The following FLNB variants were observed in gnomAD, a reference collection of about 807,000 sequenced individuals.
The protein encoded by FLNB is filamin-B.
FLNB carries 111 observed loss-of-function variants against 250.6 expected under a neutral mutation model. The ratio of observed to expected loss-of-function variants is 0.44; its 90% CI spans 0.38 to 0.52. FLNB has a LOEUF of 0.52. FLNB is among the 20% of genes least tolerant of loss of function. The pLI is 0.00. For synonymous variants in FLNB, 1,302 were observed against 1,372.1 expected (o/e 0.95, Z 1.13); for missense variants, 2,869 against 3,447.8 (o/e 0.83, Z 4.20).
rs77604401 is a variant in FLNB at position 58,021,490 on chromosome 3, T to G, written c.292+12634T>G. ...GGCAGAACCCAGAATGTGTTCTGAG[T>G]GAGGCGCCTTGGCAGAGTTGGCTTG... On this transcript the variant is annotated intron_variant, in intron 1 of 45. Transcript: ENST00000295956. 8.0e-4 allele frequency among the ~76,000 whole-genome samples: 121 copies of G among 152,194 alleles called. No homozygotes were observed. The East Asian group carries it at 0.018, about 22-fold the overall frequency.
At chr3:58,159,246 C>T (rs1211705848) in intron 41 of FLNB, among the ~76,000 whole-genome samples, 1 of 152,124 alleles carries the variant, frequency 6.6e-6, no homozygotes. Flanking sequence ...GGTTTTCTGG[C>T]CTGCATGGGC....
intron 1 of FLNB, among the ~76,000 whole-genome samples, chr3:58,028,718 A>T (rs531491887): frequency 1.3e-5 from 2 of 150,136 alleles, no homozygotes; most frequent in African/African-American, 2.5e-5. Flanking sequence ...GGTTCAAGCA[A>T]TTCTCCTGCC....
In FLNB at chr3:58,115,102, C is replaced by T. The variant is rs181132058; in HGVS notation, c.2745+2784C>T. Among the ~76,000 whole-genome samples the T allele has an allele frequency of 6.8e-4, 103 of 152,284 alleles. 2 individuals carry two copies. The highest frequency in any genetic ancestry group is 7.4e-5 in the Non-Finnish European group (5 of 68,020). The stretch of plus-strand genomic sequence containing the variant: ...TTAAAATAAAAAATCCAAAACAAAA[C>T]ATTCATTATTAGTAATGATAAAACT... On this transcript the variant is annotated intron_variant, in intron 18 of 45. Coordinates refer to ENST00000295956, the MANE Select transcript of FLNB (RefSeq NM_001457.4).
At chr3:58,042,242 T>TGATGCG (rs1446710223) in intron 1 of FLNB, among the ~76,000 whole-genome samples, 1 of 152,192 alleles carries the variant, frequency 6.6e-6, no homozygotes, top group East Asian at 1.9e-4. Context: ...GCCTCCTCTT[T>TGATGCG]GATGCGGGTA....
At chr3:58,149,711 C>A in intron 36 of FLNB, 139 bp from the exon 37 acceptor site, 1 of 1,100,714 alleles carries the variant, frequency 9.1e-7, no homozygotes, top group Non-Finnish European at 1.3e-6. Flanking sequence ...CTGGGCTTTG[C>A]AAACGAGGCC....
At chr3:58,078,419 A>C in intron 2 of FLNB, 3 of 1,535,174 alleles carry the variant, frequency 2.0e-6, no homozygotes, top group Non-Finnish European at 2.6e-6. Context: ...TAAAGGCACC[A>C]GGCTTTTTCC....
intron 1 of FLNB, among the ~76,000 whole-genome samples, chr3:58,057,286 T>G (rs1377870703): frequency 6.6e-6 from 1 of 152,232 alleles, no homozygotes; most frequent in Non-Finnish European, 1.5e-5. Flanking sequence ...GGCCTGCAAC[T>G]TCTATAAATA....
intron 1 of FLNB, among the ~76,000 whole-genome samples, chr3:58,043,714 T>C (rs1331360701): frequency 1.3e-5 from 2 of 152,158 alleles, no homozygotes; most frequent in African/African-American, 4.8e-5. Context: ...GTGAGAGTGC[T>C]GAGTGCAAAA....
At chr3:58,085,019 T>C (rs2097215238) in intron 4 of FLNB, among the ~76,000 whole-genome samples, 1 of 152,258 alleles carries the variant, frequency 6.6e-6, no homozygotes, top group Non-Finnish European at 1.5e-5. Flanking sequence ...CATTCCTTTT[T>C]AAGGCTGAAT....
Position 58,106,829 on chromosome 3 carries a change from A to G in FLNB, c.1897A>G (p.Met633Val), listed in dbSNP as rs937051879. The G allele has an allele frequency of 2.4e-5, 38 of 1,613,954 alleles. No homozygotes were observed. The highest frequency in any genetic ancestry group is 1.1e-4 in the East Asian group (5 of 44,890). ...CGAAGACATCAAGGACAGCCCGTAC[A>G]TGGCCTTCATCCACCCAGCCACGGG... ...DDEDIKDSPY[M>V]AFIHPATGGY... The change falls in exon 12 of 46, where the codon ATG becomes GTG. Residue 633 changes from methionine to valine, a missense_variant. Physicochemically the swap from Met to Val is conservative, Grantham distance 21. Transcript: ENST00000295956.
At position 58,138,386 on chromosome 3, in the gene FLNB, G is replaced by A; in HGVS notation, c.4966G>A (p.Asp1656Asn). 6.2e-7 allele frequency: 1 copy of A among 1,614,242 alleles called. No individual in the cohort carries two copies. The highest frequency in any genetic ancestry group is 8.5e-7 in the Non-Finnish European group (1 of 1,180,048). ...AGTGACCTGCACGGTTCTGACCCCA[G>A]ATGGCACTGAGGCCGAGGCCGATGT... is the stretch of plus-strand genomic sequence containing the variant. ...GKVTCTVLTP[D>N]GTEAEADVIE... Residue 1656 changes from aspartate to asparagine, a missense_variant, in exon 29 of 46, where the codon GAT becomes AAT. Transcript: ENST00000295956.
chr3:58,112,385 G>A (rs139531304), intron 18 of FLNB, 67 bp downstream of exon 18: 2 of 1,500,960 alleles, frequency 1.3e-6, no homozygotes, highest in Non-Finnish European at 1.9e-6. Context: ...GTCGGTGCTG[G>A]GTCACTGTGG....
At chr3:58,139,079 A>G (rs2097321851) in intron 29 of FLNB, among the ~76,000 whole-genome samples, 1 of 152,206 alleles carries the variant, frequency 6.6e-6, no homozygotes, top group Non-Finnish European at 1.5e-5. Flanking sequence ...AAAGGAGGAA[A>G]CCATTATGCA....
intron 38 of FLNB, chr3:58,152,662 C>A: frequency 1.1e-6 from 1 of 915,830 alleles, no homozygotes; most frequent in Non-Finnish European, 1.5e-6. Context: ...CAGTTCATTA[C>A]ATGGGTGACC....
In FLNB at chr3:58,138,409, T is replaced by C. The variant is rs1411751945; in HGVS notation, c.4989T>C (p.Asp1663=). 6 of 1,614,114 alleles carry C rather than the reference T, an allele frequency of 3.7e-6. No homozygotes were observed. Among genetic ancestry groups the C allele is most frequent in the Admixed American group, 1.7e-5 (1 of 60,016 alleles). The change falls in exon 29 of 46, where the codon GAT becomes GAC. Residue 1663 remains aspartate, a synonymous_variant. Transcript: ENST00000295956. ...LTPDGTEAEA[D]VIENEDGTYD... ...CAGATGGCACTGAGGCCGAGGCCGA[T>C]GTCATTGAGAATGAAGATGGAACCT...
At chr3:58,134,843 AG>A in intron 27 of FLNB, 71 bp downstream of exon 27, 2 of 1,445,238 alleles carry the variant, frequency 1.4e-6, no homozygotes, top group Non-Finnish European at 1.9e-6. Context: ...TTTAAGAACA[AG>A]GGTTTCAATA....
chr3:58,142,503 A>T lies in FLNB; in HGVS notation c.5182-147A>T. 1 of 713,698 alleles carries T rather than the reference A, an allele frequency of 1.4e-6. No homozygotes were observed. Among genetic ancestry groups the T allele is most frequent in the Non-Finnish European group, 2.5e-6 (1 of 404,818 alleles). The allele number at this position is 713,698 out of a possible 1,614,324, so 44.2% of individuals were successfully genotyped here. ...TTCTACCCTGGGTCTGGAGCCACTT[A>T]GACAAAGCCCATACCACAATGGGCA... is the stretch of plus-strand genomic sequence containing the variant. On this transcript the variant is annotated intron_variant, in intron 30 of 45. Coordinates refer to ENST00000295956, the MANE Select transcript of FLNB (RefSeq NM_001457.4). This position sits in a 1 kb window ranked among gnomAD's most constrained non-coding sequence, Gnocchi z 4.3.
chr3:58,155,353 G>A (rs13075808), intron 40 of FLNB, among the ~76,000 whole-genome samples: 16,164 of 152,224 alleles, frequency 0.11, 974 homozygotes, highest in African/African-American at 0.12. Context: ...ATGTTTTAAA[G>A]CACATAAAAT....
intron 43 of FLNB, chr3:58,165,336 A>G (rs1438581000): frequency 6.6e-6 from 1 of 152,260 alleles, no homozygotes; most frequent in African/African-American, 2.4e-5. Flanking sequence ...CTTGCAGGGA[A>G]GCTCCTAGCC....
Sources: gnomAD v4.1 joint callset for allele counts (sites outside exome capture counted in the v4.1 genomes callset) on GRCh38, gnomAD v4.1.1 for gene constraint, Gnocchi (gnomAD v3.1) non-coding constraint, MANE v1.5 for transcripts, NCBI Gene and HGNC (gene_info 2026-07-23, HGNC 2026-07-21) for gene names.